The following USP24 variants were observed in gnomAD, a reference collection of about 807,000 sequenced individuals.
USP24 encodes the protein ubiquitin carboxyl-terminal hydrolase 24.
In USP24, 97 loss-of-function variants were observed where a neutral mutation model predicts 361.6. The observed-to-expected ratio is 0.27, with a 90% CI of 0.23 to 0.32. The LOEUF (loss-of-function observed/expected upper bound fraction) is 0.32. Among genes scored for constraint, USP24 ranks in the 10% least tolerant of loss-of-function variants. USP24 has a pLI of 1.00. For missense variants in USP24, 2,353 were observed against 3,165.6 expected, an observed-to-expected ratio of 0.74 and a Z score of 6.16; for synonymous variants, 1,098 against 1,124.6, an observed-to-expected ratio of 0.98 and a Z score of 0.47.
intron 53 of USP24, 48 bp downstream of exon 53, chr1:55,092,773 T>C: frequency 1.5e-6 from 2 of 1,350,320 alleles, no homozygotes; most frequent in Non-Finnish European, 2.1e-6. Context: ...CTAAAGCATA[T>C]TTAATTGTAA....
chr1:55,114,442 C>T (rs1057187331), intron 38 of USP24, among the ~76,000 whole-genome samples: 3 of 152,144 alleles, frequency 2.0e-5, no homozygotes, highest in Non-Finnish European at 2.9e-5. Context: ...CAAGACAATC[C>T]TAAGCAAAAA....
In USP24 at chr1:55,215,298, G is replaced by C. The variant is rs1213917663; in HGVS notation, c.-185C>G. Among the ~76,000 whole-genome samples the C allele has an allele frequency of 6.6e-6, 1 of 151,782 alleles. No homozygotes were observed. The highest frequency in any genetic ancestry group is 2.4e-5 in the African/African-American group (1 of 41,398). On this transcript the variant is annotated 5_prime_UTR_variant, in exon 1 of 68. Transcript: ENST00000294383. ...GGCTTGGGTCCTGCGAGCCGAGCTA[G>C]TGCGGTGAGGCGCTCAGGCGCGGCT...
At chr1:55,187,248 AAAC>A (rs1278277061) in intron 1 of USP24, among the ~76,000 whole-genome samples, 4 of 151,884 alleles carry the variant, frequency 2.6e-5, no homozygotes, top group African/African-American at 7.3e-5. Context: ...CATGATTTTA[AAAC>A]AACGACAAAA....
intron 53 of USP24, among the ~76,000 whole-genome samples, chr1:55,092,460 T>C (rs549647553): frequency 6.6e-6 from 1 of 152,360 alleles, no homozygotes; most frequent in South Asian, 2.1e-4. Context: ...GGAAAAGTAG[T>C]TGAAAGTTAA....
chr1:55,167,170 A>G (rs1248069305), intron 5 of USP24, among the ~76,000 whole-genome samples: 1 of 152,190 alleles, frequency 6.6e-6, no homozygotes, highest in Non-Finnish European at 1.5e-5. Context: ...CATATACAGA[A>G]GACAATTCAA....
At chr1:55,157,604 G>C (rs1312659627) in intron 10 of USP24, among the ~76,000 whole-genome samples, 1 of 152,054 alleles carries the variant, frequency 6.6e-6, no homozygotes, top group Non-Finnish European at 1.5e-5. Context: ...AGGCCAAGGT[G>C]GGTGGATCAC....
intron 56 of USP24, among the ~76,000 whole-genome samples, chr1:55,084,145 A>G (rs1645204624): frequency 6.6e-6 from 1 of 152,226 alleles, no homozygotes; most frequent in African/African-American, 2.4e-5. Flanking sequence ...CAAGGGCATC[A>G]ATTCTACCGC....
intron 3 of USP24, among the ~76,000 whole-genome samples, chr1:55,173,594 C>T (rs1463786980): frequency 6.6e-6 from 1 of 152,102 alleles, no homozygotes; most frequent in Non-Finnish European, 1.5e-5. Flanking sequence ...AAATACTATA[C>T]AACAAAAATT....
At position 55,137,499 on chromosome 1, in the gene USP24, A is replaced by G; in HGVS notation, c.3201+16T>C. The G allele has an allele frequency of 3.7e-6, 6 of 1,603,256 alleles. No homozygotes were observed. The highest frequency in any genetic ancestry group is 5.1e-6 in the Non-Finnish European group (6 of 1,176,570). On this transcript the variant is annotated intron_variant, in intron 28 of 67. Transcript: ENST00000294383. ...GTTAAGTTCTTGTTTTTAAATGGAAATTGATCACCCAGTACCTGCTCCATG... is the reference window on the plus strand; with the variant it reads ...GTTAAGTTCTTGTTTTTAAATGGAAGTTGATCACCCAGTACCTGCTCCATG...
chr1:55,135,862 T>C (rs146040137), intron 28 of USP24, among the ~76,000 whole-genome samples: 22 of 152,324 alleles, frequency 1.4e-4, no homozygotes, highest in Admixed American at 4.6e-4. Flanking sequence ...AGAACAGTCT[T>C]ACGCAGCTTT....
chr1:55,097,044 A>C lies in USP24; in HGVS notation c.5844T>G (p.Val1948=). ...QGGGGSPRKK[V]ALTENYELVG... ...CAAGTTCATAGTTTTCTGTGAGGGCAACCTTTTTTCGTGGGGATCCTCCAC... is the reference window on the plus strand; with the variant it reads ...CAAGTTCATAGTTTTCTGTGAGGGCCACCTTTTTTCGTGGGGATCCTCCAC... The change falls in exon 49 of 68, where the codon GTT becomes GTG. Residue 1948 remains valine (V), a synonymous_variant. Transcript: ENST00000294383. 2 of 1,613,908 alleles carry C rather than the reference A, an allele frequency of 1.2e-6. No homozygotes were observed. The highest frequency in any genetic ancestry group is 1.7e-6 in the Non-Finnish European group (2 of 1,179,876).
intron 12 of USP24, among the ~76,000 whole-genome samples, chr1:55,156,280 A>G (rs1191091005): frequency 6.6e-6 from 1 of 152,172 alleles, no homozygotes; most frequent in African/African-American, 2.4e-5. Context: ...TAGAGATTTA[A>G]TTCAGAGTCA....
intron 5 of USP24, 49 bp downstream of exon 5, chr1:55,171,507 C>A (rs1649442415): frequency 1.3e-6 from 2 of 1,548,470 alleles, no homozygotes; most frequent in Admixed American, 2.0e-5. Context: ...AGAAAATCTT[C>A]TTTTTCAATA....
chr1:55,209,130 A>C (rs1408257538), intron 1 of USP24, among the ~76,000 whole-genome samples: 1 of 152,148 alleles, frequency 6.6e-6, no homozygotes, highest in African/African-American at 2.4e-5. Context: ...GGAGGAAAAA[A>C]ACATTTACTC....
chr1:55,199,309 CAA>C (rs898461938), intron 1 of USP24, among the ~76,000 whole-genome samples: 1 of 144,392 alleles, frequency 6.9e-6, no homozygotes, highest in African/African-American at 2.5e-5. Flanking sequence ...AAAAACAAAA[CAA>C]AAAAAAAACA....
intron 12 of USP24, 63 bp downstream of exon 12, chr1:55,156,885 C>A: frequency 8.3e-7 from 1 of 1,202,682 alleles, no homozygotes; most frequent in South Asian, 1.3e-5. Flanking sequence ...TCTCATCACC[C>A]TTTTCGCTCT....
At chr1:55,202,410 C>CTT (rs772301790) in intron 1 of USP24, among the ~76,000 whole-genome samples, 2 of 144,962 alleles carry the variant, frequency 1.4e-5, no homozygotes, top group African/African-American at 5.0e-5. Flanking sequence ...CTTTTTCTTT[C>CTT]TTTTTTTTTT....
At chr1:55,114,607 G>C (rs1646050139) in intron 38 of USP24, among the ~76,000 whole-genome samples, 1 of 152,142 alleles carries the variant, frequency 6.6e-6, no homozygotes. Flanking sequence ...ACAACTATCT[G>C]ATCTTTGACA....
At chr1:55,197,703 G>A (rs568933791) in intron 1 of USP24, among the ~76,000 whole-genome samples, 2 of 152,182 alleles carry the variant, frequency 1.3e-5, no homozygotes, top group South Asian at 2.1e-4. Flanking sequence ...ATGTCTATTC[G>A]ATACCTAAAT....
Sources: allele counts gnomAD v4.1 joint callset (sites outside exome capture counted in the v4.1 genomes callset), GRCh38; gene constraint gnomAD v4.1.1; transcripts MANE v1.5; gene names NCBI Gene and HGNC (gene_info 2026-07-23, HGNC 2026-07-21).